The following SESN1 variants were observed in gnomAD, a reference collection of about 807,000 sequenced individuals.
SESN1 encodes the protein sestrin 1, also known as sestrin-1.
SESN1 carries 30 observed loss-of-function variants against 59.3 expected under a neutral mutation model. The ratio of observed to expected loss-of-function variants is 0.51; its 90% CI spans 0.38 to 0.69. The LOEUF (loss-of-function observed/expected upper bound fraction) is 0.69. Among genes scored for constraint, SESN1 ranks in the 30% least tolerant of loss-of-function variants. The pLI is 0.00. For synonymous variants in SESN1, 197 were observed against 219.9 expected, an observed-to-expected ratio of 0.90 and a Z score of 0.92; for missense variants, 566 against 673.0, an observed-to-expected ratio of 0.84 and a Z score of 1.76.
At chr6:109,019,190 TAC>T (rs569714529) in intron 1 of SESN1, among the ~76,000 whole-genome samples, 57 of 151,996 alleles carry the variant, frequency 3.8e-4, no homozygotes, top group African/African-American at 1.4e-3. Context: ...AAACATTTTT[TAC>T]ACACACACAC....
At chr6:109,047,381 C>T (rs1170455456) in intron 1 of SESN1, among the ~76,000 whole-genome samples, 8 of 132,572 alleles carry the variant, frequency 6.0e-5, no homozygotes, top group African/African-American at 1.4e-4. Flanking sequence ...CCGCCCCGTC[C>T]GGGAGGTGAG....
At chr6:109,069,167 G>C (rs927070518) in intron 1 of SESN1, among the ~76,000 whole-genome samples, 1 of 151,998 alleles carries the variant, frequency 6.6e-6, no homozygotes, top group Admixed American at 6.6e-5. Flanking sequence ...AACAGAGAAG[G>C]CCATCGTGGC....
rs1356701634 is a variant in SESN1 at position 108,986,966 on chromosome 6, T to G, written c.*578A>C. The G allele has an allele frequency of 6.5e-6, 1 of 152,706 alleles. No individual in the cohort carries two copies. Among genetic ancestry groups the G allele is most frequent in the African/African-American group, 2.4e-5 (1 of 41,470 alleles). 9.5% of individuals were successfully genotyped at this position (152,706 alleles called of 1,614,324 possible). On this transcript the variant is annotated 3_prime_UTR_variant, in exon 10 of 10. Coordinates refer to ENST00000436639, the MANE Select transcript of SESN1 (RefSeq NM_014454.3). Reference sequence around the variant, plus strand: ...ACCATCAAAATGGTTGTTGCTGAGCTGTGTGAGTAGGAATTCTATGCTTTT... The same window carrying G: ...ACCATCAAAATGGTTGTTGCTGAGCGGTGTGAGTAGGAATTCTATGCTTTT...
rs1206520764 is a variant in SESN1, at chr6:108,987,559, G to T, written c.1641C>A (p.Thr547=). The change falls in exon 10 of 10, where the codon ACC becomes ACA. Residue 547 remains threonine (T), a synonymous_variant. Transcript: ENST00000436639. ...AELLYALRAI[T]RYMT Reference sequence around the variant, plus strand: ...AGGAAAGGCATCAGGTCATATAGCGGGTAATGGCTCTCAGAGCATAAAGGA... The same window carrying T: ...AGGAAAGGCATCAGGTCATATAGCGTGTAATGGCTCTCAGAGCATAAAGGA... 1 of 1,592,826 alleles carries T rather than the reference G, an allele frequency of 6.3e-7. No homozygotes were observed. The highest frequency in any genetic ancestry group is 1.3e-5 in the African/African-American group (1 of 74,602).
intron 1 of SESN1, among the ~76,000 whole-genome samples, chr6:109,053,690 G>A (rs537694358): frequency 2.6e-5 from 4 of 152,308 alleles, no homozygotes; most frequent in South Asian, 4.1e-4. Flanking sequence ...GGCATTAGAC[G>A]CTTTCACTGC....
chr6:109,067,424 GA>G (rs1780852170), intron 1 of SESN1, among the ~76,000 whole-genome samples: 1 of 152,140 alleles, frequency 6.6e-6, no homozygotes, highest in South Asian at 2.1e-4. Flanking sequence ...GTAAAAATAG[GA>G]GAGAAAATTC....
chr6:109,074,067 A>G (rs1271961800), intron 1 of SESN1, among the ~76,000 whole-genome samples: 1 of 152,170 alleles, frequency 6.6e-6, no homozygotes, highest in Non-Finnish European at 1.5e-5. Context: ...TGCCTTTTCT[A>G]TGTTTAGATA....
chr6:109,001,422 C>T lies in SESN1; in HGVS notation c.412G>A (p.Gly138Ser). ...ACTAACGTAATGTTATCCAAACGGC[C>T]CAAAGCAGCAAAAGAATCTGCAAAT... is the stretch of plus-strand genomic sequence containing the variant. ...ALFADSFAAL[G>S]RLDNITLVMV... Residue 138 changes from glycine to serine, a missense_variant, in exon 3 of 10, where the codon GGC becomes AGC. Coordinates refer to ENST00000436639, the MANE Select transcript of SESN1 (RefSeq NM_014454.3). The T allele has an allele frequency of 1.2e-6, 2 of 1,613,762 alleles. No individual in the cohort carries two copies. The highest frequency in any genetic ancestry group is 2.2e-5 in the South Asian group (2 of 91,068).
rs998821377 is a variant in SESN1, at chr6:109,009,489, G to T, written c.280-7146C>A. On this transcript the variant is annotated intron_variant, in intron 1 of 9. Transcript: ENST00000436639. ...GGCGCGGGGACGGCTGCGGACGCGC[G>T]GAGGCGGCGAGCGCTGGGCAGCCGG... 35 of 1,235,212 alleles carry T rather than the reference G, an allele frequency of 2.8e-5. 1 individual carries two copies. The African/African-American group carries it at 5.2e-4, about 18-fold the overall frequency. The allele number at this position is 1,235,212 out of a possible 1,614,324, so 76.5% of individuals were successfully genotyped here.
chr6:109,060,555 A>C (rs557221468), intron 1 of SESN1, among the ~76,000 whole-genome samples: 43 of 152,342 alleles, frequency 2.8e-4, no homozygotes, highest in Non-Finnish European at 5.0e-4. Flanking sequence ...ACAGTGAACT[A>C]ATCTATTTTA....
chr6:109,035,006 A>G (rs748403991), intron 1 of SESN1, among the ~76,000 whole-genome samples: 40 of 152,192 alleles, frequency 2.6e-4, no homozygotes, highest in Non-Finnish European at 3.2e-4. Flanking sequence ...CTGAATTTCA[A>G]TTTCACTTAT....
Position 108,985,818 on chromosome 6 carries a change from C to T in SESN1, c.*1726G>A, listed in dbSNP as rs911306311. On this transcript the variant is annotated 3_prime_UTR_variant, in exon 10 of 10. Coordinates refer to ENST00000436639, the MANE Select transcript of SESN1 (RefSeq NM_014454.3). ...GAACTCAGCAGCAGGCAGAAGAGGA[C>T]AAAGGCATGATGCATATTCAATGAG... Among the ~76,000 whole-genome samples, 16 of 152,076 alleles carry T rather than the reference C, an allele frequency of 1.1e-4. No homozygotes were observed. The highest frequency in any genetic ancestry group is 3.4e-4 in the African/African-American group (14 of 41,406).
At position 108,984,779 on chromosome 6, in the gene SESN1, A is replaced by T. The variant is rs1779138875; in HGVS notation, c.*2765T>A. On this transcript the variant is annotated 3_prime_UTR_variant, in exon 10 of 10. Coordinates refer to ENST00000436639, the MANE Select transcript of SESN1 (RefSeq NM_014454.3). ...TGTATCCTACAACTTTGCTGAATTT[A>T]TGCTTCCTCTTGATCACACCATCCT... Among the ~76,000 whole-genome samples, 1 of 152,174 alleles carries T rather than the reference A, an allele frequency of 6.6e-6. No individual in the cohort carries two copies. The highest frequency in any genetic ancestry group is 1.5e-5 in the Non-Finnish European group (1 of 68,026).
Position 108,984,927 on chromosome 6 carries a change from CA to C in SESN1, c.*2616del, listed in dbSNP as rs1197579247. Among the ~76,000 whole-genome samples the C allele has an allele frequency of 6.6e-6, 1 of 152,110 alleles. No homozygotes were observed. The highest frequency in any genetic ancestry group is 2.4e-5 in the African/African-American group (1 of 41,402). On this transcript the variant is annotated 3_prime_UTR_variant, in exon 10 of 10. Transcript: ENST00000436639. ...TCCCAATTGGTTTCTAGAGTTCTCACAAAGATATTCTGGCCCATATATTGTT... is the reference window on the plus strand; with the variant it reads ...TCCCAATTGGTTTCTAGAGTTCTCACAAGATATTCTGGCCCATATATTGTT...
At chr6:109,057,776 C>T (rs1780660199) in intron 1 of SESN1, among the ~76,000 whole-genome samples, 1 of 152,170 alleles carries the variant, frequency 6.6e-6, no homozygotes, top group Admixed American at 6.5e-5. Flanking sequence ...CTCCCTTTGA[C>T]ATACTAAAAA....
In SESN1 at chr6:109,047,906, T is replaced by G. The variant is rs1780478442; in HGVS notation, c.280-45563A>C. Among the ~76,000 whole-genome samples, 3 of 146,188 alleles carry G rather than the reference T, an allele frequency of 2.1e-5. 1 individual carries two copies. Among genetic ancestry groups the G allele is most frequent in the Admixed American group, 1.4e-4 (2 of 14,808 alleles). The stretch of plus-strand genomic sequence containing the variant: ...AGATGCTTGAAGGCAGCATGCTGGT[T>G]AAGAGTCATCACCACTCCCTAATCT... On this transcript the variant is annotated intron_variant, in intron 1 of 9. Transcript: ENST00000436639.
chr6:109,046,976 C>G (rs1421098901), intron 1 of SESN1, among the ~76,000 whole-genome samples: 2 of 99,638 alleles, frequency 2.0e-5, no homozygotes, highest in African/African-American at 3.8e-5. Flanking sequence ...GCAGCCACCC[C>G]GTCCGGGAGG....
At chr6:109,002,034 A>G (rs921319449) in intron 2 of SESN1, among the ~76,000 whole-genome samples, 16 of 152,220 alleles carry the variant, frequency 1.1e-4, no homozygotes, top group African/African-American at 3.9e-4. Flanking sequence ...TCACTGGTCA[A>G]AAACAAATCT....
At chr6:109,036,807 G>A (rs887758936) in intron 1 of SESN1, among the ~76,000 whole-genome samples, 3 of 152,132 alleles carry the variant, frequency 2.0e-5, no homozygotes, top group Non-Finnish European at 4.4e-5. Context: ...AGTATCATAT[G>A]TTCACTTACA....
Sources: allele counts gnomAD v4.1 joint callset (sites outside exome capture counted in the v4.1 genomes callset), GRCh38; gene constraint gnomAD v4.1.1; transcripts MANE v1.5; gene names NCBI Gene and HGNC (gene_info 2026-07-23, HGNC 2026-07-21).